Variants in PRICKLE1 observed in about 807,000 individuals in gnomAD.
PRICKLE1 encodes prickle planar cell polarity protein 1.
Under a neutral mutation model 70.2 loss-of-function variants are expected in PRICKLE1, and 14 were observed. That is an observed-to-expected ratio of 0.20 (90% CI 0.13 to 0.31). The LOEUF is 0.31. Among genes scored for constraint, PRICKLE1 ranks in the 10% least tolerant of loss-of-function variants. PRICKLE1 has a pLI of 1.00. For synonymous variants in PRICKLE1, 357 were observed against 379.9 expected (o/e 0.94, Z 0.70); for missense variants, 821 against 1,026.2 (o/e 0.80, Z 2.73).
At chr12:42,559,150 C>A (rs1203913488) in intron 1 of PRICKLE1, among the ~76,000 whole-genome samples, 1 of 152,192 alleles carries the variant, frequency 6.6e-6, no homozygotes, top group Non-Finnish European at 1.5e-5. Context: ...ACAAAGAAAT[C>A]ACTTTTTCTT....
chr12:42,506,376 C>A (rs1168803217), intron 1 of PRICKLE1, among the ~76,000 whole-genome samples: 1 of 149,784 alleles, frequency 6.7e-6, no homozygotes, highest in Non-Finnish European at 1.5e-5. Context: ...TCTGCCTCTG[C>A]CTCCTAAGTG....
intron 1 of PRICKLE1, among the ~76,000 whole-genome samples, chr12:42,475,447 G>GT (rs1938484775): frequency 2.6e-5 from 4 of 152,286 alleles, no homozygotes; most frequent in East Asian, 1.9e-4. Context: ...CCCAAGGTCA[G>GT]TAAGTGGTCT....
intron 1 of PRICKLE1, among the ~76,000 whole-genome samples, chr12:42,545,064 T>G (rs922842957): frequency 5.3e-5 from 8 of 151,884 alleles, no homozygotes; most frequent in Non-Finnish European, 7.4e-5. Context: ...GGTGCAGTGG[T>G]ATGATCATGG....
intron 1 of PRICKLE1, among the ~76,000 whole-genome samples, chr12:42,585,744 C>T (rs1276804789): frequency 6.6e-6 from 1 of 152,146 alleles, no homozygotes; most frequent in Non-Finnish European, 1.5e-5. Flanking sequence ...TTTCACTGCT[C>T]CAAAATGTTC....
At chr12:42,584,430 A>G (rs1015299983) in intron 1 of PRICKLE1, 7 of 152,206 alleles carry the variant, frequency 4.6e-5, no homozygotes, top group African/African-American at 1.7e-4. Flanking sequence ...TGTTTCTTTA[A>G]AATTCCTTTA....
At chr12:42,582,939 G>C (rs1940928017) in intron 1 of PRICKLE1, among the ~76,000 whole-genome samples, 1 of 152,124 alleles carries the variant, frequency 6.6e-6, no homozygotes, top group Admixed American at 6.5e-5. Context: ...CTGAATTCTA[G>C]CCCCTTTTCA....
At chr12:42,508,453 T>G (rs1939456308) in intron 1 of PRICKLE1, among the ~76,000 whole-genome samples, 1 of 152,228 alleles carries the variant, frequency 6.6e-6, no homozygotes, top group Non-Finnish European at 1.5e-5. Flanking sequence ...AAATCCCTAC[T>G]GCAGTTCTCA....
At chr12:42,501,569 A>G (rs1939312495) in intron 1 of PRICKLE1, among the ~76,000 whole-genome samples, 1 of 151,176 alleles carries the variant, frequency 6.6e-6, no homozygotes, top group African/African-American at 2.4e-5. Flanking sequence ...TACAAGCAAC[A>G]TTTATGATCA....
intron 2 of PRICKLE1, among the ~76,000 whole-genome samples, chr12:42,470,783 G>A (rs548864893): frequency 2.0e-5 from 3 of 152,096 alleles, no homozygotes; most frequent in Admixed American, 1.3e-4. Context: ...ATGCACGCCT[G>A]TAATCCTAGC....
chr12:42,539,057 G>A lies in PRICKLE1; in HGVS notation c.-49+50408C>T, dbSNP rs550588410. Among the ~76,000 whole-genome samples the A allele has an allele frequency of 8.2e-4, 125 of 152,152 alleles. 1 individual carries two copies. Among genetic ancestry groups the A allele is most frequent in the African/African-American group, 2.9e-3 (121 of 41,496 alleles). On this transcript the variant is annotated intron_variant, in intron 1 of 7. Coordinates refer to ENST00000345127, the MANE Select transcript of PRICKLE1 (RefSeq NM_153026.3). ...ACATCAAATAATTTAAGAAATAGCT[G>A]GAAAATATAATGTAATTTGATAGCT...
At chr12:42,531,240 G>T (rs1043082753) in intron 1 of PRICKLE1, among the ~76,000 whole-genome samples, 1 of 150,738 alleles carries the variant, frequency 6.6e-6, no homozygotes, top group Non-Finnish European at 1.5e-5. Context: ...TAGAGTCGGG[G>T]TTTCACCGTG....
intron 1 of PRICKLE1, among the ~76,000 whole-genome samples, chr12:42,556,264 A>G (rs1357100426): frequency 1.3e-5 from 2 of 152,164 alleles, no homozygotes; most frequent in Non-Finnish European, 2.9e-5. Context: ...TGACGCCTCA[A>G]ATGTTTGTGA....
At chr12:42,575,222 A>C (rs1367537104) in intron 1 of PRICKLE1, among the ~76,000 whole-genome samples, 2 of 152,276 alleles carry the variant, frequency 1.3e-5, no homozygotes, top group East Asian at 3.9e-4. Context: ...GGCCAGGTAA[A>C]TGCCATATTT....
At chr12:42,494,544 C>A (rs975382061) in intron 1 of PRICKLE1, among the ~76,000 whole-genome samples, 1 of 152,116 alleles carries the variant, frequency 6.6e-6, no homozygotes, top group Admixed American at 6.6e-5. Context: ...TGGTGACTCA[C>A]GCCTGTAATC....
At chr12:42,465,384 T>C in intron 6 of PRICKLE1, 126 bp from the exon 7 acceptor site, 3 of 823,654 alleles carry the variant, frequency 3.6e-6, no homozygotes, top group South Asian at 3.5e-5. Flanking sequence ...GACACAGATA[T>C]AATTAATCCT....
intron 1 of PRICKLE1, chr12:42,484,571 A>G (rs1295767815): frequency 6.6e-6 from 1 of 152,206 alleles, no homozygotes; most frequent in Non-Finnish European, 1.5e-5. Context: ...CAGGAGATTT[A>G]TTTTTATCAG....
chr12:42,543,817 G>A (rs534789794), intron 1 of PRICKLE1, among the ~76,000 whole-genome samples: 10 of 152,160 alleles, frequency 6.6e-5, no homozygotes, highest in East Asian at 1.9e-4. Context: ...CACCGCACCC[G>A]GCCAACTCCT....
At chr12:42,573,649 G>A (rs996746083) in intron 1 of PRICKLE1, among the ~76,000 whole-genome samples, 8 of 151,720 alleles carry the variant, frequency 5.3e-5, no homozygotes, top group African/African-American at 1.9e-4. Flanking sequence ...ACTTCACTAC[G>A]GCCTCCATCT....
At chr12:42,541,921 G>A (rs1010349806) in intron 1 of PRICKLE1, among the ~76,000 whole-genome samples, 1 of 152,222 alleles carries the variant, frequency 6.6e-6, no homozygotes, top group African/African-American at 2.4e-5. Flanking sequence ...GGTTCAGGAA[G>A]CACAGAGCCA....
Sources: allele counts gnomAD v4.1 joint callset (sites outside exome capture counted in the v4.1 genomes callset), GRCh38; gene constraint gnomAD v4.1.1; transcripts MANE v1.5; gene names NCBI Gene and HGNC (gene_info 2026-07-23, HGNC 2026-07-21).